BCAS3: variants seen among roughly 807,000 people sequenced by gnomAD.
BCAS3 encodes BCAS4/BCAS3 fusion.
Under a neutral mutation model 116.1 loss-of-function variants are expected in BCAS3, and 53 were observed. The observed-to-expected ratio is 0.46, with a 90% confidence interval of 0.37 to 0.57. BCAS3 has a LOEUF of 0.57. Among genes scored for constraint, BCAS3 ranks in the 20% least tolerant of loss-of-function variants. BCAS3 has a pLI of 0.00. For missense variants in BCAS3, 917 were observed against 1,165.4 expected, an observed-to-expected ratio of 0.79 and a Z score of 3.10; for synonymous variants, 391 against 408.2, an observed-to-expected ratio of 0.96 and a Z score of 0.51.
rs1308067641 is a variant in BCAS3, at chr17:61,128,234, A to G, written c.2425+43670A>G. The stretch of plus-strand genomic sequence containing the variant: ...GGATGAGTACATGAAGATGAAGCCC[A>G]TGCAATGAGGACAGCCTAGGCCGTG... On this transcript the variant is annotated intron_variant, in intron 22 of 23. Coordinates refer to ENST00000407086, the MANE Select transcript of BCAS3 (RefSeq NM_017679.5). This position sits in a 1 kb window ranked among gnomAD's most constrained non-coding sequence, Gnocchi z 4.1. The G allele has an allele frequency of 5.1e-6, 5 of 985,350 alleles. No homozygotes were observed. The highest frequency in any genetic ancestry group is 5.2e-4 in the Middle Eastern group (1 of 1,936). 61.0% of individuals were successfully genotyped at this position (985,350 alleles called of 1,614,324 possible). A position where few individuals can be genotyped will look rare whatever the true frequency, so the allele number is the denominator to read the frequency against.
At chr17:60,938,583 C>T (rs1026696588) in intron 13 of BCAS3, among the ~76,000 whole-genome samples, 1 of 152,110 alleles carries the variant, frequency 6.6e-6, no homozygotes, top group Non-Finnish European at 1.5e-5. Flanking sequence ...TATCCTTAAA[C>T]TTGGGATAGA....
intron 7 of BCAS3, among the ~76,000 whole-genome samples, chr17:60,866,594 T>A (rs2054615644): frequency 6.6e-6 from 1 of 152,242 alleles, no homozygotes; most frequent in Admixed American, 6.5e-5. Context: ...ACGAAAGAGT[T>A]CATGTATGAT....
intron 22 of BCAS3, among the ~76,000 whole-genome samples, chr17:61,328,641 T>C (rs1290851170): frequency 6.6e-6 from 1 of 152,050 alleles, no homozygotes; most frequent in Non-Finnish European, 1.5e-5. Context: ...GGTGTGCGCC[T>C]GTAGTCCCAG....
chr17:60,963,777 G>A lies in BCAS3; in HGVS notation c.1221+16425G>A, dbSNP rs190616102. ...TCACTGTGTTAGCCAGGATGGTCTC[G>A]ATCTCCTGACCTCATGATCCACCCG... On this transcript the variant is annotated intron_variant, in intron 14 of 23. Transcript: ENST00000407086. 1.8e-3 allele frequency among the ~76,000 whole-genome samples: 270 copies of A among 152,126 alleles called. 3 individuals carry two copies. The highest frequency in any genetic ancestry group is 6.1e-3 in the African/African-American group (255 of 41,506).
At chr17:60,810,284 G>GATCC (rs1279673202) in intron 7 of BCAS3, 15 of 451,056 alleles carry the variant, frequency 3.3e-5, no homozygotes, top group Non-Finnish European at 6.1e-5. Context: ...GCAGGCACCA[G>GATCC]GGGCTCTGGT....
rs532362455 is a variant in BCAS3, at chr17:60,914,120, A to G, written c.993+3418A>G. Among the ~76,000 whole-genome samples the G allele has an allele frequency of 2.8e-3, 433 of 152,286 alleles. 1 individual carries two copies. The highest frequency in any genetic ancestry group is 4.7e-3 in the Non-Finnish European group (322 of 68,000). ...TGTGATGAAGGCTTATCCACCTTGT[A>G]TCAATTCATGGGCTCTGCTTTGTTT... On this transcript the variant is annotated intron_variant, in intron 12 of 23. Coordinates refer to ENST00000407086, the MANE Select transcript of BCAS3 (RefSeq NM_017679.5).
rs2076632244 is a variant in BCAS3 at position 61,136,277 on chromosome 17, G to A, written c.2425+51713G>A. On this transcript the variant is annotated intron_variant, in intron 22 of 23. Coordinates refer to ENST00000407086, the MANE Select transcript of BCAS3 (RefSeq NM_017679.5). This position sits in a 1 kb window ranked among gnomAD's most constrained non-coding sequence, Gnocchi z 4.4. ...TCCCCTCTTCTTCTCTGCACCTGGAGCATCTTGGACATAGCTTTGTTTCCA... is the reference window on the plus strand; with the variant it reads ...TCCCCTCTTCTTCTCTGCACCTGGAACATCTTGGACATAGCTTTGTTTCCA... Among the ~76,000 whole-genome samples, 1 of 152,114 alleles carries A rather than the reference G, an allele frequency of 6.6e-6. No individual in the cohort carries two copies. Among genetic ancestry groups the A allele is most frequent in the Admixed American group, 6.5e-5 (1 of 15,268 alleles).
chr17:60,792,858 A>G (rs1314584490), intron 6 of BCAS3, among the ~76,000 whole-genome samples: 2 of 152,144 alleles, frequency 1.3e-5, no homozygotes, highest in East Asian at 1.9e-4. Flanking sequence ...ACCCAGTCTC[A>G]GGTATACTGT....
chr17:60,684,448 AT>A (rs1302977916), intron 3 of BCAS3, among the ~76,000 whole-genome samples: 1 of 152,152 alleles, frequency 6.6e-6, no homozygotes, highest in African/African-American at 2.4e-5. Context: ...ATTGAGCAGC[AT>A]TTTTATGCCA....
intron 1 of BCAS3, 94 bp from the exon 2 acceptor site, chr17:60,679,359 G>T: frequency 1.2e-6 from 1 of 808,036 alleles, no homozygotes. Context: ...TTTTGACAAG[G>T]GATCTCTAGT....
At position 61,065,959 on chromosome 17, in the gene BCAS3, A is replaced by G. The variant is rs1396405752; in HGVS notation, c.2030-8961A>G. ...TAAGAGACTCTAAATTTCTATTTCT[A>G]TATATTCAGCCTATTATCATATTTT... On this transcript the variant is annotated intron_variant, in intron 19 of 23. Transcript: ENST00000407086. This position sits in a 1 kb window ranked among gnomAD's most constrained non-coding sequence, Gnocchi z 4.8. Among the ~76,000 whole-genome samples, 6 of 152,222 alleles carry G rather than the reference A, an allele frequency of 3.9e-5. No homozygotes were observed. The highest frequency in any genetic ancestry group is 2.6e-4 in the Admixed American group (4 of 15,284).
intron 14 of BCAS3, among the ~76,000 whole-genome samples, chr17:60,974,867 G>T (rs2062195540): frequency 6.6e-6 from 1 of 151,912 alleles, no homozygotes. Flanking sequence ...GTTAAGTGCT[G>T]TTTGCTTGAG....
intron 6 of BCAS3, among the ~76,000 whole-genome samples, chr17:60,765,288 G>T (rs1256804226): frequency 6.6e-6 from 1 of 152,078 alleles, no homozygotes; most frequent in African/African-American, 2.4e-5. Context: ...CCTAGCATTG[G>T]CAGTCTTTAC....
At chr17:61,341,993 G>A (rs1357593306) in intron 22 of BCAS3, among the ~76,000 whole-genome samples, 10 of 152,124 alleles carry the variant, frequency 6.6e-5, no homozygotes, top group African/African-American at 2.4e-4. Flanking sequence ...CATGAACTTC[G>A]GACAGTGGTT....
At chr17:60,682,313 T>C (rs2033282712) in intron 2 of BCAS3, among the ~76,000 whole-genome samples, 2 of 152,126 alleles carry the variant, frequency 1.3e-5, no homozygotes, top group African/African-American at 4.8e-5. Flanking sequence ...GTGCTAGGAA[T>C]TGAAGTTGCA....
At chr17:60,727,367 C>T (rs763642336) in intron 5 of BCAS3, 131 of 1,543,878 alleles carry the variant, frequency 8.5e-5, no homozygotes, top group Non-Finnish European at 1.1e-4. Flanking sequence ...CCGATCATAG[C>T]GCCTCTTTCC....
Position 61,203,391 on chromosome 17 carries a change from T to C in BCAS3, c.2425+118827T>C, listed in dbSNP as rs566645692. On this transcript the variant is annotated intron_variant, in intron 22 of 23. Transcript: ENST00000407086. The surrounding 1 kb of genome is among the most constrained non-coding windows in gnomAD (Gnocchi z 5.7). ...CAGGCTGGTTTCAAACTCCTGACCT[T>C]GTGATCTGCTCACCTCGGCCTCCCA... Among the ~76,000 whole-genome samples, 56 of 152,218 alleles carry C rather than the reference T, an allele frequency of 3.7e-4. No individual in the cohort carries two copies. The highest frequency in any genetic ancestry group is 3.4e-3 in the Admixed American group (52 of 15,280).
At chr17:60,875,014 A>G (rs2055459148) in intron 9 of BCAS3, among the ~76,000 whole-genome samples, 1 of 152,140 alleles carries the variant, frequency 6.6e-6, no homozygotes, top group Admixed American at 6.6e-5. Flanking sequence ...ATTTAGTTTC[A>G]TATAGCTGTT....
Position 61,215,495 on chromosome 17 carries a change from TA to T in BCAS3, c.2425+130934del, listed in dbSNP as rs553314881. Among the ~76,000 whole-genome samples, 911 of 152,320 alleles carry T rather than the reference TA, an allele frequency of 6.0e-3. 7 individuals are homozygous for T. Among genetic ancestry groups the T allele is most frequent in the Middle Eastern group, 0.048 (14 of 294 alleles). ...TTACTTGAAGAACAGAGGCAACATT[TA>T]AATGTAAATTTCCAAACACCTGCAT... On this transcript the variant is annotated intron_variant, in intron 22 of 23. Transcript: ENST00000407086. This position sits in a 1 kb window ranked among gnomAD's most constrained non-coding sequence, Gnocchi z 4.8.
Sources: allele counts gnomAD v4.1 joint callset (sites outside exome capture counted in the v4.1 genomes callset), GRCh38; gene constraint gnomAD v4.1.1; non-coding constraint Gnocchi (gnomAD v3.1); transcripts MANE v1.5; gene names NCBI Gene and HGNC (gene_info 2026-07-23, HGNC 2026-07-21).